ZPBP: variants seen among roughly 807,000 people sequenced by gnomAD.
ZPBP encodes zona pellucida binding protein.
A neutral mutation model predicts 44.8 loss-of-function variants in ZPBP; 26 were observed. The observed-to-expected ratio is 0.58, with a 90% CI of 0.43 to 0.81. The LOEUF is 0.81. Ranked by LOEUF, ZPBP falls within the 30% of genes least tolerant of loss-of-function variation. ZPBP has a pLI of 0.00. For synonymous variants in ZPBP, 174 were observed against 153.2 expected, an observed-to-expected ratio of 1.14 and a Z score of -1.00; for missense variants, 409 against 434.0, an observed-to-expected ratio of 0.94 and a Z score of 0.51.
Position 49,981,318 on chromosome 7 carries a change from ATAATATATAT to A in ZPBP, c.961+2014_961+2023del, listed in dbSNP as rs1421907564. Among the ~76,000 whole-genome samples the A allele has an allele frequency of 1.6e-3, 75 of 47,238 alleles. 2 individuals carry two copies. Among genetic ancestry groups the A allele is most frequent in the African/African-American group, 3.4e-3 (60 of 17,900 alleles). 31.0% of individuals were successfully genotyped at this position (47,238 alleles called of 152,430 possible). A position where few individuals can be genotyped will look rare whatever the true frequency, so the allele number is the denominator to read the frequency against. On this transcript the variant is annotated intron_variant, in intron 7 of 7. Transcript: ENST00000046087. ...TATATTATATATAATTATATATTAT[ATAATATATAT>A]TATAATTATATATATTATATAATAT...
At chr7:49,912,192 C>A in intron 1 of ZPBP, 1 of 1,613,290 alleles carries the variant, frequency 6.2e-7, no homozygotes, top group Non-Finnish European at 8.5e-7. Context: ...GTAGACGCTT[C>A]CCAGAACACA....
At chr7:50,043,529 A>T (rs990122127) in intron 4 of ZPBP, among the ~76,000 whole-genome samples, 6 of 152,238 alleles carry the variant, frequency 3.9e-5, no homozygotes, top group African/African-American at 1.4e-4. Flanking sequence ...TTACAATCCT[A>T]GTCTATGATA....
chr7:49,957,374 T>C (rs1795650934), intron 7 of ZPBP, among the ~76,000 whole-genome samples: 1 of 151,964 alleles, frequency 6.6e-6, no homozygotes, highest in South Asian at 2.1e-4. Flanking sequence ...AGGCCCAGAG[T>C]GCCAAGGTCT....
chr7:49,932,075 G>A (rs1023977263), intron 1 of ZPBP, among the ~76,000 whole-genome samples: 1 of 152,252 alleles, frequency 6.6e-6, no homozygotes, highest in Non-Finnish European at 1.5e-5. Flanking sequence ...GAAATGCCTG[G>A]ATGTCCAGGC....
intron 6 of ZPBP, among the ~76,000 whole-genome samples, chr7:50,000,036 A>C (rs901071833): frequency 6.6e-6 from 1 of 152,130 alleles, no homozygotes; most frequent in African/African-American, 2.4e-5. Context: ...AAATAGATGT[A>C]AGGCTTCTAC....
rs569438757 is a variant in ZPBP at position 49,994,037 on chromosome 7, G to T, written c.784-10518C>A. Among the ~76,000 whole-genome samples, 19 of 152,184 alleles carry T rather than the reference G, an allele frequency of 1.2e-4. 1 individual carries two copies. The South Asian group carries it at 3.9e-3, about 32-fold the overall frequency. On this transcript the variant is annotated intron_variant, in intron 6 of 7. Coordinates refer to ENST00000046087, the MANE Select transcript of ZPBP (RefSeq NM_007009.3). Reference sequence around the variant, plus strand: ...ACATTCCTCTTCTCCAAATATCTTTGTCACCAAATTTCCAATCATCATCTT... The same window carrying T: ...ACATTCCTCTTCTCCAAATATCTTTTTCACCAAATTTCCAATCATCATCTT...
chr7:49,919,854 G>A (rs1392872988), intron 1 of ZPBP: 1 of 152,174 alleles, frequency 6.6e-6, no homozygotes, highest in African/African-American at 2.4e-5. Context: ...ATAGGCATCA[G>A]TGCAATAAAG....
At chr7:49,857,595 T>A (rs1790477403) in intron 2 of ZPBP, among the ~76,000 whole-genome samples, 1 of 151,984 alleles carries the variant, frequency 6.6e-6, no homozygotes, top group Non-Finnish European at 1.5e-5. Flanking sequence ...AAAACCTCCG[T>A]GAGACATTAC....
intron 7 of ZPBP, among the ~76,000 whole-genome samples, chr7:49,983,071 A>C (rs919251041): frequency 6.6e-6 from 1 of 151,978 alleles, no homozygotes; most frequent in Non-Finnish European, 1.5e-5. Flanking sequence ...AGGAACTCTA[A>C]GTGACTCATA....
rs143041386 is a variant in ZPBP, at chr7:49,884,584, A to G, written n.509+16534T>C. 2.7e-3 allele frequency among the ~76,000 whole-genome samples: 405 copies of G among 152,258 alleles called. 1 individual carries two copies. Among genetic ancestry groups the G allele is most frequent in the African/African-American group, 9.0e-3 (373 of 41,556 alleles). On this transcript the variant is annotated intron_variant and non_coding_transcript_variant, in intron 2 of 2. Coordinates refer to the ZPBP transcript ENST00000465922. Reference sequence around the variant, plus strand: ...AAGACAAATATAAATTTCAAGTTTTAAGACAGTGGGTCAATTTCTATGTCT... The same window carrying G: ...AAGACAAATATAAATTTCAAGTTTTGAGACAGTGGGTCAATTTCTATGTCT...
chr7:50,048,314 A>C (rs1297413926), intron 4 of ZPBP, among the ~76,000 whole-genome samples: 1 of 152,126 alleles, frequency 6.6e-6, no homozygotes, highest in Non-Finnish European at 1.5e-5. Flanking sequence ...GAATAAAAAA[A>C]CTAGGAAGAA....
chr7:50,063,402 CT>C (rs1280770803), intron 3 of ZPBP, among the ~76,000 whole-genome samples: 2 of 152,188 alleles, frequency 1.3e-5, no homozygotes, highest in Non-Finnish European at 2.9e-5. Flanking sequence ...CGGAGCTGAG[CT>C]TTTTCTTCTA....
intron 7 of ZPBP, among the ~76,000 whole-genome samples, chr7:49,962,567 G>A (rs1413113800): frequency 6.6e-6 from 1 of 151,766 alleles, no homozygotes; most frequent in African/African-American, 2.4e-5. Context: ...CTCTGATAGT[G>A]GGAACAAGAT....
At chr7:49,944,690 G>T (rs1175537462) in intron 7 of ZPBP, among the ~76,000 whole-genome samples, 1 of 152,032 alleles carries the variant, frequency 6.6e-6, no homozygotes, top group Non-Finnish European at 1.5e-5. Flanking sequence ...ATGATCCTTT[G>T]AATTTCCATG....
At chr7:50,006,439 T>A (rs1798316113) in intron 6 of ZPBP, among the ~76,000 whole-genome samples, 1 of 152,076 alleles carries the variant, frequency 6.6e-6, no homozygotes, top group Admixed American at 6.6e-5. Context: ...ATTTTCCGTT[T>A]CTAATTTAAT....
chr7:49,926,936 G>GC (rs982253308), intron 1 of ZPBP, among the ~76,000 whole-genome samples: 24 of 152,278 alleles, frequency 1.6e-4, no homozygotes, highest in Admixed American at 1.0e-3. Flanking sequence ...CTGGCAGCAG[G>GC]CCTCTGCTGT....
chr7:49,873,491 A>T (rs1791262698), intron 2 of ZPBP, among the ~76,000 whole-genome samples: 1 of 152,176 alleles, frequency 6.6e-6, no homozygotes, highest in African/African-American at 2.4e-5. Context: ...ATTTCAACAT[A>T]TGAAATCTGG....
chr7:50,079,072 T>C (rs531070668), intron 3 of ZPBP, among the ~76,000 whole-genome samples: 2 of 151,706 alleles, frequency 1.3e-5, no homozygotes, highest in African/African-American at 4.8e-5. Flanking sequence ...ATCTGTTATC[T>C]ATAAAGAGAT....
intron 6 of ZPBP, among the ~76,000 whole-genome samples, chr7:50,014,385 C>A (rs1480427344): frequency 6.7e-6 from 1 of 150,094 alleles, no homozygotes; most frequent in Non-Finnish European, 1.5e-5. Context: ...TAAGGACTGA[C>A]AAAACAGAGA....
Sources: allele counts gnomAD v4.1 joint callset (sites outside exome capture counted in the v4.1 genomes callset), GRCh38; gene constraint gnomAD v4.1.1; transcripts MANE v1.5; gene names NCBI Gene and HGNC (gene_info 2026-07-23, HGNC 2026-07-21).